The following ZNF577 variants were observed in gnomAD, a reference collection of about 807,000 sequenced individuals.
ZNF577 encodes the protein zinc finger protein 577.
In ZNF577, 14 loss-of-function variants were observed where a neutral mutation model predicts 13.9. The ratio of observed to expected loss-of-function variants is 1.00; its 90% CI spans 0.66 to 1.57. The LOEUF (loss-of-function observed/expected upper bound fraction) is 1.57, where lower values mean the gene tolerates loss of function less well. Ranked by LOEUF, ZNF577 falls within the 40% of genes most tolerant of loss-of-function variation. The pLI is 0.00. For missense variants in ZNF577, 555 were observed against 579.2 expected, an observed-to-expected ratio of 0.96 and a Z score of 0.43; for synonymous variants, 203 against 202.9, an observed-to-expected ratio of 1.00 and a Z score of 0.00.
chr19:51,824,929 G>A lies in ZNF577; in HGVS notation c.*600-13255C>T, dbSNP rs1225197283. On this transcript the variant is annotated intron_variant and NMD_transcript_variant, in intron 9 of 10. Transcript: ENST00000638827. The surrounding 1 kb of genome is among the most constrained non-coding windows in gnomAD (Gnocchi z 4.7). ...CACCACCACAATCATCAACATAAAGGAAGTCTGTACCAAATCTGTAGGGGG... is the reference window on the plus strand; with the variant it reads ...CACCACCACAATCATCAACATAAAGAAAGTCTGTACCAAATCTGTAGGGGG... The A allele has an allele frequency of 1.2e-6, 1 of 811,130 alleles. No homozygotes were observed. The allele number at this position is 811,130 out of a possible 1,614,324, so 50.2% of individuals were successfully genotyped here.
chr19:51,864,338 G>T (rs2084536082), downstream of ZNF577, among the ~76,000 whole-genome samples: 2 of 152,034 alleles, frequency 1.3e-5, no homozygotes, highest in Admixed American at 1.3e-4. Flanking sequence ...TTATTTTAAT[G>T]TTCAGGGATT....
At chr19:51,807,474 C>T (rs183477992) in intron 10 of ZNF577, among the ~76,000 whole-genome samples, 1,708 of 152,230 alleles carry the variant, frequency 0.011, 95 homozygotes, top group Admixed American at 0.1. Context: ...CATGGGCCTT[C>T]GGGTCCCTGC....
intron 9 of ZNF577, among the ~76,000 whole-genome samples, chr19:51,816,257 T>C (rs1283452791): frequency 1.3e-5 from 2 of 151,730 alleles, no homozygotes; most frequent in African/African-American, 2.4e-5. Flanking sequence ...TCTTTTCTCC[T>C]TTTTTTTGAG....
intron 9 of ZNF577, among the ~76,000 whole-genome samples, chr19:51,821,985 A>G (rs2084193421): frequency 6.6e-6 from 1 of 152,210 alleles, no homozygotes; most frequent in Non-Finnish European, 1.5e-5. Flanking sequence ...TTTTACACAG[A>G]GAGATTCTAG....
rs930439577 is a variant in ZNF577 at position 51,821,365 on chromosome 19, G to A, written c.*600-9691C>T. 4.6e-5 allele frequency among the ~76,000 whole-genome samples: 7 copies of A among 152,238 alleles called. No individual in the cohort carries two copies. The South Asian group carries it at 1.2e-3, about 27-fold the overall frequency. On this transcript the variant is annotated intron_variant and NMD_transcript_variant, in intron 9 of 10. Transcript: ENST00000638827. Reference sequence around the variant, plus strand: ...TGCCTCCCACGGGACCTTTGACAATGTCTATAGACACTTTCAGTTGTCACT... The same window carrying A: ...TGCCTCCCACGGGACCTTTGACAATATCTATAGACACTTTCAGTTGTCACT...
At position 51,806,147 on chromosome 19, in the gene ZNF577, C is replaced by T. The variant is rs373774452; in HGVS notation, c.*818-893G>A. On this transcript the variant is annotated intron_variant and NMD_transcript_variant, in intron 10 of 10. Coordinates refer to the ZNF577 transcript ENST00000638827. ...TAACATTAAGACTGTGTCGTGACTC[C>T]AGTCGGCCTTCTCTCCATCTTTGCA... 6.8e-4 allele frequency among the ~76,000 whole-genome samples: 104 copies of T among 152,266 alleles called. 1 individual carries two copies. Among genetic ancestry groups the T allele is most frequent in the African/African-American group, 2.4e-3 (100 of 41,552 alleles).
At chr19:51,812,926 G>A (rs770352119) in intron 9 of ZNF577, among the ~76,000 whole-genome samples, 3 of 152,106 alleles carry the variant, frequency 2.0e-5, no homozygotes, top group African/African-American at 7.2e-5. Context: ...TTTGAGACCA[G>A]CCTGGCCAAC....
chr19:51,885,546 T>C (rs1286281958), intron 1 of ZNF577, among the ~76,000 whole-genome samples: 2 of 152,198 alleles, frequency 1.3e-5, no homozygotes, highest in African/African-American at 4.8e-5. Context: ...AGTTTCATTC[T>C]TGTTGCCTAG....
At position 51,811,094 on chromosome 19, in the gene ZNF577, A is replaced by T. The variant is rs1216258351; in HGVS notation, c.*817+363T>A. ...CAGATTCTTTCAGATTTTTAGATTC[A>T]GCCTGTTGTCCCACAGAATAATAAG... On this transcript the variant is annotated intron_variant and NMD_transcript_variant, in intron 10 of 10. Transcript: ENST00000638827. Among the ~76,000 whole-genome samples, 3 of 119,518 alleles carry T rather than the reference A, an allele frequency of 2.5e-5. No individual in the cohort carries two copies. The South Asian group carries it at 8.2e-4, about 33-fold the overall frequency. The allele number at this position is 119,518 out of a possible 152,430, so 78.4% of individuals were successfully genotyped here.
chr19:51,875,950 G>A (rs142446258), intron 5 of ZNF577, among the ~76,000 whole-genome samples: 115 of 152,298 alleles, frequency 7.6e-4, no homozygotes, highest in African/African-American at 2.6e-3. Flanking sequence ...AGAGTAAACC[G>A]AGAAGACTCA....
intron 1 of ZNF577, among the ~76,000 whole-genome samples, chr19:51,883,789 T>C (rs1048269623): frequency 6.6e-6 from 1 of 151,992 alleles, no homozygotes; most frequent in Non-Finnish European, 1.5e-5. Context: ...ACTAAAGAAA[T>C]AGGCTGGGCA....
chr19:51,831,530 T>C (rs7252508), intron 9 of ZNF577, among the ~76,000 whole-genome samples: 69,602 of 152,048 alleles, frequency 0.46, 16,319 homozygotes, highest in South Asian at 0.58. Flanking sequence ...CAAACCATCA[T>C]CATCCGGACC....
intron 5 of ZNF577, among the ~76,000 whole-genome samples, chr19:51,849,626 A>G (rs1049516212): frequency 4.3e-4 from 65 of 152,222 alleles, no homozygotes; most frequent in African/African-American, 1.5e-3. Context: ...GCATTTTGTT[A>G]TAGCAGTACA....
chr19:51,852,804 CA>C (rs1161914244), intron 5 of ZNF577, among the ~76,000 whole-genome samples: 1 of 152,168 alleles, frequency 6.6e-6, no homozygotes, highest in Non-Finnish European at 1.5e-5. Context: ...GTTAAAATGT[CA>C]TGTGTGTGTA....
chr19:51,881,001 G>A (rs2084853465), intron 1 of ZNF577, 124 bp from the exon 2 acceptor site: 1 of 152,448 alleles, frequency 6.6e-6, no homozygotes, highest in Non-Finnish European at 1.5e-5. Context: ...TTAACACCCT[G>A]GAAGCCATTA....
At position 51,880,418 on chromosome 19, in the gene ZNF577, GAC is replaced by G. The variant is rs1368813909; in HGVS notation, c.-19-19_-19-18del. ...TTATTTCAGCTGCCAAAAAAAAGGA[GAC>G]ACAGTTTAAAGCAGAGAAAACCCAC... is the stretch of plus-strand genomic sequence containing the variant. On this transcript the variant is annotated intron_variant, in intron 2 of 5. Coordinates refer to ENST00000638348, the MANE Select transcript of ZNF577 (RefSeq NM_001370449.1). 1.2e-6 allele frequency: 2 copies of G among 1,612,120 alleles called. No homozygotes were observed. Among genetic ancestry groups the G allele is most frequent in the African/African-American group, 1.3e-5 (1 of 74,978 alleles).
chr19:51,833,319 T>A (rs112291219), intron 9 of ZNF577, among the ~76,000 whole-genome samples: 1 of 152,220 alleles, frequency 6.6e-6, no homozygotes, highest in Admixed American at 6.5e-5. Flanking sequence ...TACAATGCTA[T>A]ACTACCTGTT....
chr19:51,850,733 A>G (rs1301385360), intron 5 of ZNF577, among the ~76,000 whole-genome samples: 1 of 152,216 alleles, frequency 6.6e-6, no homozygotes, highest in Non-Finnish European at 1.5e-5. Context: ...GATATTGGGG[A>G]ACACTGAACT....
chr19:51,809,748 T>C (rs1371192627), intron 10 of ZNF577, among the ~76,000 whole-genome samples: 2 of 152,210 alleles, frequency 1.3e-5, no homozygotes, highest in Non-Finnish European at 2.9e-5. Flanking sequence ...GGAACTTTGA[T>C]GGGTTTGTCT....
Sources: gnomAD v4.1 joint callset for allele counts (sites outside exome capture counted in the v4.1 genomes callset) on GRCh38, gnomAD v4.1.1 for gene constraint, Gnocchi (gnomAD v3.1) non-coding constraint, MANE v1.5 for transcripts, NCBI Gene and HGNC (gene_info 2026-07-23, HGNC 2026-07-21) for gene names.